Variants in CREB5 observed in about 807,000 individuals in gnomAD.
CREB5 encodes cyclic AMP-responsive element-binding protein 5.
A neutral mutation model predicts 57.1 loss-of-function variants in CREB5; 19 were observed. The ratio of observed to expected loss-of-function variants is 0.33; its 90% CI spans 0.23 to 0.49. The LOEUF is 0.49. Ranked by LOEUF, CREB5 falls within the 20% of genes least tolerant of loss-of-function variation. The pLI is 0.99. For missense variants in CREB5, 579 were observed against 671.6 expected (o/e 0.86, Z 1.52); for synonymous variants, 238 against 238.3 (o/e 1.00, Z 0.01).
At chr7:28,371,344 C>G (rs1786700799) in intron 1 of CREB5, among the ~76,000 whole-genome samples, 1 of 151,946 alleles carries the variant, frequency 6.6e-6, no homozygotes, top group South Asian at 2.1e-4. Context: ...AAAATAAAAG[C>G]TGGGCATGGT....
intron 1 of CREB5, among the ~76,000 whole-genome samples, chr7:28,389,389 C>A (rs1787169054): frequency 6.6e-6 from 1 of 152,166 alleles, no homozygotes; most frequent in South Asian, 2.1e-4. Flanking sequence ...ACTACGTGCA[C>A]AAACACACAC....
chr7:28,555,109 T>TTGTGTGTGTGTGTGTG (rs58647223), intron 4 of CREB5, among the ~76,000 whole-genome samples: 41,686 of 148,736 alleles, frequency 0.28, 6,198 homozygotes, highest in South Asian at 0.42. Flanking sequence ...ATAAGCTGCA[T>TTGTGTGTGTGTGTGTG]TGTGTGTGTG....
chr7:28,675,390 T>C (rs41345), intron 5 of CREB5, among the ~76,000 whole-genome samples: 82,563 of 151,938 alleles, frequency 0.54, 22,685 homozygotes, highest in East Asian at 0.73. Context: ...GTCCTGGTGT[T>C]TCAGAGCCCA....
At chr7:28,492,362 T>TGGG (rs1486741610) in intron 2 of CREB5, among the ~76,000 whole-genome samples, 1 of 152,246 alleles carries the variant, frequency 6.6e-6, no homozygotes, top group South Asian at 2.1e-4. Flanking sequence ...AGAGTTTCTC[T>TGGG]TGCCCTTTGT....
intron 1 of CREB5, among the ~76,000 whole-genome samples, chr7:28,396,564 A>G (rs141838938): frequency 2.6e-5 from 4 of 152,286 alleles, no homozygotes; most frequent in African/African-American, 9.6e-5. Flanking sequence ...AAAGTAACAT[A>G]TTATTTGTAT....
chr7:28,575,916 C>T (rs932511841), intron 5 of CREB5, among the ~76,000 whole-genome samples: 3 of 151,682 alleles, frequency 2.0e-5, no homozygotes, highest in East Asian at 1.9e-4. Context: ...ATGTGTGGAA[C>T]GAAACATAAA....
chr7:28,534,866 A>G (rs1793890859), intron 4 of CREB5, among the ~76,000 whole-genome samples: 1 of 141,996 alleles, frequency 7.0e-6, no homozygotes, highest in Non-Finnish European at 1.6e-5. Flanking sequence ...TCTCAGGGTA[A>G]CAGGCCTTCT....
At chr7:28,366,057 A>G (rs1003419006) in intron 1 of CREB5, among the ~76,000 whole-genome samples, 1 of 152,200 alleles carries the variant, frequency 6.6e-6, no homozygotes, top group Non-Finnish European at 1.5e-5. Flanking sequence ...ATTCGTGTAG[A>G]AAATACACAG....
intron 1 of CREB5, among the ~76,000 whole-genome samples, chr7:28,300,025 T>C (rs1439749212): frequency 6.6e-6 from 1 of 152,084 alleles, no homozygotes; most frequent in Non-Finnish European, 1.5e-5. Context: ...CTGTTTTCCG[T>C]TTTGTTATTT....
intron 7 of CREB5, among the ~76,000 whole-genome samples, chr7:28,784,751 C>A (rs1319231767): frequency 6.6e-6 from 1 of 152,070 alleles, no homozygotes; most frequent in Non-Finnish European, 1.5e-5. Flanking sequence ...GGTTGATGAG[C>A]GAAACGAAGG....
intron 1 of CREB5, among the ~76,000 whole-genome samples, chr7:28,476,091 G>A (rs759918021): frequency 6.6e-6 from 1 of 152,176 alleles, no homozygotes; most frequent in Non-Finnish European, 1.5e-5. Context: ...ACCTACCCAA[G>A]CTTATAGGTT....
At chr7:28,716,748 C>T (rs941266940) in intron 5 of CREB5, among the ~76,000 whole-genome samples, 1 of 152,222 alleles carries the variant, frequency 6.6e-6, no homozygotes, top group African/African-American at 2.4e-5. Context: ...CTATCTGACT[C>T]AGTCTATCCA....
At chr7:28,657,716 C>CGAA (rs1562553687) in intron 5 of CREB5, among the ~76,000 whole-genome samples, 2 of 32,668 alleles carry the variant, frequency 6.1e-5, no homozygotes, top group South Asian at 5.5e-4. Flanking sequence ...GACTCTCTCT[C>CGAA]GAAAAAAAAA....
rs1382789501 is a variant in CREB5, at chr7:28,819,764, C to T, written c.*485C>T. The T allele has an allele frequency of 6.5e-6, 1 of 152,762 alleles. No individual in the cohort carries two copies. Among genetic ancestry groups the T allele is most frequent in the South Asian group, 2.1e-4 (1 of 4,840 alleles). 9.5% of individuals were successfully genotyped at this position (152,762 alleles called of 1,614,324 possible). A position where few individuals can be genotyped will look rare whatever the true frequency, so the allele number is the denominator to read the frequency against. ...CCAGAATTCCAGATAAACACACAGC[C>T]TTTCCCATACCTTTTTTTTTCTTAC... On this transcript the variant is annotated 3_prime_UTR_variant, in exon 11 of 11. Coordinates refer to ENST00000357727, the MANE Select transcript of CREB5 (RefSeq NM_182898.4).
intron 5 of CREB5, among the ~76,000 whole-genome samples, chr7:28,676,406 A>G (rs1005614626): frequency 1.3e-5 from 2 of 152,144 alleles, no homozygotes; most frequent in African/African-American, 4.8e-5. Flanking sequence ...GAAATTATGT[A>G]AGGAGTCTCA....
At chr7:28,346,477 A>G (rs913782529) in intron 1 of CREB5, among the ~76,000 whole-genome samples, 2 of 152,188 alleles carry the variant, frequency 1.3e-5, no homozygotes, top group African/African-American at 4.8e-5. Context: ...GCCTCCTAAT[A>G]CCATCACCTT....
At chr7:28,334,771 T>C (rs1285710289) in intron 1 of CREB5, among the ~76,000 whole-genome samples, 2 of 152,188 alleles carry the variant, frequency 1.3e-5, no homozygotes, top group East Asian at 3.9e-4. Flanking sequence ...ACTCAAGAAA[T>C]CTTTGCCCAG....
chr7:28,783,070 T>C (rs552979216), intron 7 of CREB5, among the ~76,000 whole-genome samples: 1 of 152,304 alleles, frequency 6.6e-6, no homozygotes, highest in South Asian at 2.1e-4. Context: ...TGTGAAACAG[T>C]GAAGAGGTTC....
intron 5 of CREB5, among the ~76,000 whole-genome samples, chr7:28,618,553 G>A (rs1226955209): frequency 1.3e-5 from 2 of 152,138 alleles, no homozygotes; most frequent in African/African-American, 4.8e-5. Context: ...AGGGCTCCAG[G>A]CTGCCTGTTG....
Sources: allele counts gnomAD v4.1 joint callset (sites outside exome capture counted in the v4.1 genomes callset), GRCh38; gene constraint gnomAD v4.1.1; transcripts MANE v1.5; gene names NCBI Gene and HGNC (gene_info 2026-07-23, HGNC 2026-07-21).